Variants in SPAST observed in about 807,000 individuals in gnomAD.
SPAST encodes the protein spastic paraplegia 4 (autosomal dominant; spastin).
SPAST carries 30 observed loss-of-function variants against 76.6 expected under a neutral mutation model. The observed-to-expected ratio is 0.39, with a 90% CI of 0.29 to 0.53. SPAST has a LOEUF of 0.53. SPAST is among the 20% of genes least tolerant of loss of function. The pLI, the probability that SPAST is intolerant of heterozygous loss-of-function variation, is 0.68. For synonymous variants in SPAST, 305 were observed against 281.0 expected (o/e 1.09, Z -0.86); for missense variants, 717 against 770.5 (o/e 0.93, Z 0.82).
chr2:32,126,004 C>G (rs1679178698), intron 7 of SPAST, among the ~76,000 whole-genome samples: 1 of 152,012 alleles, frequency 6.6e-6, no homozygotes, highest in South Asian at 2.1e-4. Context: ...ATCGTGTTAG[C>G]CAGGATGGTC....
At chr2:32,090,915 C>G (rs79092959) in intron 3 of SPAST, among the ~76,000 whole-genome samples, 2 of 152,048 alleles carry the variant, frequency 1.3e-5, no homozygotes, top group Non-Finnish European at 2.9e-5. Context: ...ATTAGTTGTT[C>G]CATCTTGTGA....
intron 1 of SPAST, among the ~76,000 whole-genome samples, chr2:32,083,749 A>T (rs1677342794): frequency 7.4e-5 from 4 of 54,296 alleles, no homozygotes; most frequent in African/African-American, 2.2e-4. Flanking sequence ...ATTTATATAT[A>T]CTATATATAT....
At position 32,114,820 on chromosome 2, in the gene SPAST, C is replaced by T. The variant is rs74688377; in HGVS notation, c.865C>T (p.His289Tyr). The T allele has an allele frequency of 3.9e-4, 625 of 1,613,368 alleles. 2 individuals carry two copies. The African/African-American group carries it at 7.3e-3, about 19-fold the overall frequency. ...KQGSGPAPTTHKGTPKTNRTN... is the reference protein window; with the variant it reads ...KQGSGPAPTTYKGTPKTNRTN... ...GGGATCTGGTCCTGCTCCTACCACT[C>T]ATAAGGTATTCTGGGACAGTAACTT... is the stretch of plus-strand genomic sequence containing the variant. The change falls in exon 5 of 17, where the codon CAT becomes TAT. Residue 289 changes from histidine to tyrosine, a missense_variant. His to Tyr is a moderately conservative substitution (Grantham distance 83, BLOSUM62 2). Coordinates refer to ENST00000315285, the MANE Select transcript of SPAST (RefSeq NM_014946.4).
At chr2:32,148,051 A>G (rs773715656) in intron 16 of SPAST, among the ~76,000 whole-genome samples, 3 of 149,214 alleles carry the variant, frequency 2.0e-5, no homozygotes, top group South Asian at 2.1e-4. Context: ...TCTTGTCTCA[A>G]ACTTTTTAGT....
At chr2:32,088,428 TG>T (rs1427757125) in intron 2 of SPAST, among the ~76,000 whole-genome samples, 1 of 152,108 alleles carries the variant, frequency 6.6e-6, no homozygotes, top group African/African-American at 2.4e-5. Flanking sequence ...GCGAATCACC[TG>T]GGATCAGGAG....
chr2:32,128,178 A>G (rs1287481638), intron 8 of SPAST: 5 of 451,844 alleles, frequency 1.1e-5, no homozygotes, highest in Non-Finnish European at 2.0e-5. Context: ...TATTTTTATT[A>G]GAGATGGGAT....
intron 13 of SPAST, among the ~76,000 whole-genome samples, chr2:32,142,439 G>T (rs1679750020): frequency 1.3e-5 from 2 of 152,076 alleles, no homozygotes; most frequent in African/African-American, 2.4e-5. Context: ...TTTTGAGATG[G>T]AGTCTTGCTC....
At chr2:32,083,712 CTATATATATTTATATATACTA>C (rs1558619940) in intron 1 of SPAST, among the ~76,000 whole-genome samples, 1 of 72,350 alleles carries the variant, frequency 1.4e-5, no homozygotes, top group African/African-American at 5.2e-5. Flanking sequence ...TATTTTTATA[CTATATATATTTATATATACTA>C]TATATATTTA....
chr2:32,134,269 G>A (rs1260841294), intron 9 of SPAST, among the ~76,000 whole-genome samples: 3 of 152,052 alleles, frequency 2.0e-5, no homozygotes, highest in African/African-American at 4.8e-5. Flanking sequence ...TTGGGAGGCC[G>A]AGGCAGGCGA....
intron 1 of SPAST, among the ~76,000 whole-genome samples, chr2:32,082,281 C>A (rs1188586839): frequency 6.6e-6 from 1 of 151,650 alleles, no homozygotes; most frequent in African/African-American, 2.4e-5. Flanking sequence ...CCATGAGCCA[C>A]CGCACCTGGC....
At chr2:32,098,165 C>A (rs1165083238) in intron 3 of SPAST, among the ~76,000 whole-genome samples, 1 of 151,998 alleles carries the variant, frequency 6.6e-6, no homozygotes, top group Non-Finnish European at 1.5e-5. Context: ...GAAATTGATT[C>A]ATTTTTTAAT....
intron 1 of SPAST, among the ~76,000 whole-genome samples, chr2:32,070,365 AC>A: frequency 6.6e-6 from 1 of 152,048 alleles, no homozygotes; most frequent in East Asian, 1.9e-4. Context: ...ACTGCACCCA[AC>A]CCATACTCAA....
intron 1 of SPAST, among the ~76,000 whole-genome samples, chr2:32,073,608 C>T (rs1026767720): frequency 6.6e-6 from 1 of 152,158 alleles, no homozygotes; most frequent in African/African-American, 2.4e-5. Context: ...AGATTACAGG[C>T]ATGAGCCACC....
chr2:32,136,711 T>C (rs947292370), intron 10 of SPAST, 73 bp downstream of exon 10: 1 of 1,374,796 alleles, frequency 7.3e-7, no homozygotes, highest in Non-Finnish European at 1.0e-6. Context: ...AAGATACGAT[T>C]GGAAACATTA....
chr2:32,088,452 C>G lies in SPAST; in HGVS notation c.502+874C>G, dbSNP rs181159029. On this transcript the variant is annotated intron_variant, in intron 2 of 16. Coordinates refer to ENST00000315285, the MANE Select transcript of SPAST (RefSeq NM_014946.4). ...CTGGGATCAGGAGTTCGAGACCAGCCTGATCAACATGGAGAAACCCTGTCT... is the reference window on the plus strand; with the variant it reads ...CTGGGATCAGGAGTTCGAGACCAGCGTGATCAACATGGAGAAACCCTGTCT... Among the ~76,000 whole-genome samples, 74 of 152,308 alleles carry G rather than the reference C, an allele frequency of 4.9e-4. No homozygotes were observed. In the East Asian group the frequency reaches 0.014, roughly 28 times the overall value.
intron 3 of SPAST, among the ~76,000 whole-genome samples, chr2:32,096,213 T>A (rs1352140047): frequency 6.6e-6 from 1 of 150,932 alleles, no homozygotes; most frequent in African/African-American, 2.4e-5. Context: ...GGCGGGCAGA[T>A]CACCTGAGGT....
intron 1 of SPAST, among the ~76,000 whole-genome samples, chr2:32,079,550 G>A (rs1573053733): frequency 1.4e-5 from 2 of 144,824 alleles, no homozygotes; most frequent in South Asian, 4.4e-4. Context: ...ATGTACACCC[G>A]CCACCCCACC....
intron 4 of SPAST, among the ~76,000 whole-genome samples, chr2:32,112,366 A>G (rs1462391935): frequency 1.7e-5 from 2 of 117,758 alleles, no homozygotes; most frequent in African/African-American, 6.6e-5. Flanking sequence ...TTTTTTTCCT[A>G]AGACGGAGTC....
chr2:32,075,894 C>CTTTTTT lies in SPAST; in HGVS notation c.416-11597_416-11596insTTTTTT, dbSNP rs1286144548. Reference sequence around the variant, plus strand: ...TTTTTTTAATGAAAAATTCAAAATGCTCTTTTTTTTTTTTTTTTTTTTTTG... The same window carrying CTTTTTT: ...TTTTTTTAATGAAAAATTCAAAATGCTTTTTTTCTTTTTTTTTTTTTTTTTTTTTTG... On this transcript the variant is annotated intron_variant, in intron 1 of 16. Coordinates refer to ENST00000315285, the MANE Select transcript of SPAST (RefSeq NM_014946.4). Among the ~76,000 whole-genome samples the CTTTTTT allele has an allele frequency of 5.5e-4, 48 of 87,190 alleles. 2 individuals are homozygous for CTTTTTT. The highest frequency in any genetic ancestry group is 0.015 in the Middle Eastern group (1 of 68). 57.2% of individuals were successfully genotyped at this position (87,190 alleles called of 152,430 possible).
Sources: gnomAD v4.1 joint callset for allele counts (sites outside exome capture counted in the v4.1 genomes callset) on GRCh38, gnomAD v4.1.1 for gene constraint, MANE v1.5 for transcripts, NCBI Gene and HGNC (gene_info 2026-07-23, HGNC 2026-07-21) for gene names.